Variants in WDPCP observed in about 807,000 individuals in gnomAD.
WDPCP encodes WD repeat-containing and planar cell polarity effector protein fritz homolog.
WDPCP carries 71 observed loss-of-function variants against 93.1 expected under a neutral mutation model. The observed-to-expected ratio is 0.76, with a 90% CI of 0.63 to 0.93. The LOEUF (loss-of-function observed/expected upper bound fraction) is 0.93. Among genes scored for constraint, WDPCP ranks in the 40% least tolerant of loss-of-function variants. The pLI is 0.00. For missense variants in WDPCP, 844 were observed against 887.4 expected (o/e 0.95, Z 0.62); for synonymous variants, 315 against 315.0 (o/e 1.00, Z 0.00).
In WDPCP at chr2:63,649,440, T is replaced by C. The variant is rs78977621; in HGVS notation, n.488+1219A>G. Among the ~76,000 whole-genome samples the C allele has an allele frequency of 8.2e-3, 1,245 of 152,346 alleles. 21 individuals are homozygous for C. Among genetic ancestry groups the C allele is most frequent in the African/African-American group, 0.029 (1,213 of 41,578 alleles). ...GTATTTGCCACATTTTGTTTATCCA[T>C]TCATTAGTTGATAGTCACTTAGATT... On this transcript the variant is annotated intron_variant and non_coding_transcript_variant, in intron 3 of 4. Transcript: ENST00000467687.
At chr2:63,792,566 C>G (rs891970832) in intron 2 of WDPCP, among the ~76,000 whole-genome samples, 6 of 152,102 alleles carry the variant, frequency 3.9e-5, no homozygotes, top group African/African-American at 1.4e-4. Context: ...AGAGACAATC[C>G]TGGAAGAGTA....
At chr2:63,170,076 T>C (rs1673274375) in intron 15 of WDPCP, among the ~76,000 whole-genome samples, 2 of 150,736 alleles carry the variant, frequency 1.3e-5, no homozygotes, top group Non-Finnish European at 3.0e-5. Flanking sequence ...TTTTTTTCAG[T>C]AGAGATGAGG....
At position 63,588,250 on chromosome 2, in the gene WDPCP, C is replaced by T; in HGVS notation, c.22G>A (p.Asp8Asn). ...CTCCCGGCCGCTTTGGAGTAGGCGT[C>T]CCAGCAAAACTCTCGCCTCATCACC... MRREFCW[D>N]AYSKAAGSRA... Residue 8 changes from aspartate to asparagine, a missense_variant, in exon 1 of 18, where the codon GAC (aspartate) becomes AAC (asparagine). By Grantham distance (23) the Asp-to-Asn change is conservative. Coordinates refer to ENST00000272321, the MANE Select transcript of WDPCP (RefSeq NM_015910.7). 2 of 1,577,342 alleles carry T rather than the reference C, an allele frequency of 1.3e-6. No individual in the cohort carries two copies. Among genetic ancestry groups the T allele is most frequent in the South Asian group, 2.3e-5 (2 of 86,534 alleles).
chr2:63,699,961 A>T (rs975751123), intron 2 of WDPCP, among the ~76,000 whole-genome samples: 2 of 152,044 alleles, frequency 1.3e-5, no homozygotes, highest in East Asian at 3.9e-4. Context: ...TTTTATGAAG[A>T]TTGCTCATTG....
intron 14 of WDPCP, among the ~76,000 whole-genome samples, chr2:63,194,916 T>C (rs1218302885): frequency 6.6e-6 from 1 of 152,188 alleles, no homozygotes; most frequent in African/African-American, 2.4e-5. Flanking sequence ...AATCTGTTTA[T>C]TGTATTTCAG....
chr2:63,296,189 A>G (rs1027601188), intron 13 of WDPCP, among the ~76,000 whole-genome samples: 2 of 147,778 alleles, frequency 1.4e-5, no homozygotes, highest in Non-Finnish European at 3.0e-5. Flanking sequence ...AACAAAAACC[A>G]TATGATCATC....
At chr2:63,264,107 G>C (rs535451201) in intron 13 of WDPCP, among the ~76,000 whole-genome samples, 10 of 152,176 alleles carry the variant, frequency 6.6e-5, no homozygotes, top group African/African-American at 2.2e-4. Flanking sequence ...GTAAAACATG[G>C]ATGTACCCCC....
chr2:63,475,837 A>G (rs1445028015), intron 6 of WDPCP, among the ~76,000 whole-genome samples: 1 of 151,990 alleles, frequency 6.6e-6, no homozygotes, highest in Non-Finnish European at 1.5e-5. Flanking sequence ...CCTTGGCTCT[A>G]GCTCTTCTCC....
intron 12 of WDPCP, among the ~76,000 whole-genome samples, chr2:63,347,785 G>A (rs899207225): frequency 6.7e-6 from 1 of 148,960 alleles, no homozygotes. Flanking sequence ...CCCAGCTATG[G>A]CCCTGACTTT....
intron 1 of WDPCP, among the ~76,000 whole-genome samples, chr2:63,507,453 C>G (rs934164871): frequency 2.6e-5 from 4 of 151,774 alleles, no homozygotes; most frequent in Admixed American, 2.0e-4. Flanking sequence ...ACCAAAGTCT[C>G]AAAAATTAAC....
intron 12 of WDPCP, among the ~76,000 whole-genome samples, chr2:63,370,475 G>A (rs1691285959): frequency 6.6e-6 from 1 of 151,950 alleles, no homozygotes; most frequent in African/African-American, 2.4e-5. Flanking sequence ...TCATCATAAT[G>A]GATCAAACTT....
chr2:63,396,531 A>G (rs1413057626), intron 10 of WDPCP, among the ~76,000 whole-genome samples: 1 of 152,188 alleles, frequency 6.6e-6, no homozygotes, highest in African/African-American at 2.4e-5. Context: ...GAATACTATC[A>G]TCACCAACAT....
intron 10 of WDPCP, among the ~76,000 whole-genome samples, chr2:63,392,906 G>T (rs1296038686): frequency 1.3e-5 from 2 of 152,214 alleles, no homozygotes; most frequent in African/African-American, 4.8e-5. Flanking sequence ...TGTGGAGGAT[G>T]TGGAGAAATA....
In WDPCP at chr2:63,208,820, T is replaced by A. The variant is rs757897417; in HGVS notation, c.1916-33988A>T. Among the ~76,000 whole-genome samples the A allele has an allele frequency of 5.3e-5, 8 of 152,326 alleles. No homozygotes were observed. The South Asian group carries it at 1.7e-3, about 32-fold the overall frequency. ...AGACTCTGCTTTCATGGTCTGTATT[T>A]ATACTGAAAATCAAGATCAAGTCAG... On this transcript the variant is annotated intron_variant, in intron 14 of 17. Transcript: ENST00000272321.
Position 63,539,618 on chromosome 2 carries a change from G to A in WDPCP, c.76-46678C>T, listed in dbSNP as rs200635458. On this transcript the variant is annotated intron_variant, in intron 1 of 17. Coordinates refer to ENST00000272321, the MANE Select transcript of WDPCP (RefSeq NM_015910.7). ...CGAGAAGCATTTGAACTTGGGAGGAGGAGGTTGCAGTGAGCTCAGATAATA... is the reference window on the plus strand; with the variant it reads ...CGAGAAGCATTTGAACTTGGGAGGAAGAGGTTGCAGTGAGCTCAGATAATA... Among the ~76,000 whole-genome samples, 13 of 152,206 alleles carry A rather than the reference G, an allele frequency of 8.5e-5. No individual in the cohort carries two copies. In the East Asian group the frequency reaches 2.5e-3, roughly 29 times the overall value.
intron 12 of WDPCP, among the ~76,000 whole-genome samples, chr2:63,349,043 A>G (rs940260585): frequency 6.6e-6 from 1 of 152,182 alleles, no homozygotes; most frequent in African/African-American, 2.4e-5. Context: ...TCTCCTGTTG[A>G]AGTAGGAGAG....
rs1553362983 is a variant in WDPCP, at chr2:63,362,277, T to TTGGGTGTGTGTGTGTGTGTG, written c.1748+16108_1748+16109insCACACACACACACACACCCA. Among the ~76,000 whole-genome samples the TTGGGTGTGTGTGTGTGTGTG allele has an allele frequency of 8.1e-3, 759 of 94,104 alleles. 58 individuals are homozygous for TTGGGTGTGTGTGTGTGTGTG. The highest frequency in any genetic ancestry group is 0.032 in the African/African-American group (696 of 21,662). The allele number at this position is 94,104 out of a possible 152,430, so 61.7% of individuals were successfully genotyped here. ...GAATCCCTTTTTTTTTTTTTTTTGG[T>TTGGGTGTGTGTGTGTGTGTG]TGTGTGTGTGTGTGTGTGTGTGTGT... On this transcript the variant is annotated intron_variant, in intron 12 of 17. Coordinates refer to ENST00000272321, the MANE Select transcript of WDPCP (RefSeq NM_015910.7).
chr2:63,351,667 A>G (rs1433232476), intron 12 of WDPCP, among the ~76,000 whole-genome samples: 1 of 152,182 alleles, frequency 6.6e-6, no homozygotes, highest in Admixed American at 6.5e-5. Flanking sequence ...TATCAAATTC[A>G]CCATTGATAG....
chr2:63,368,747 G>A (rs1019014349), intron 12 of WDPCP: 13 of 152,032 alleles, frequency 8.6e-5, no homozygotes, highest in African/African-American at 3.1e-4. Context: ...TGTAATAAAA[G>A]TGTAAAGGAT....
Sources: gnomAD v4.1 joint callset for allele counts (sites outside exome capture counted in the v4.1 genomes callset) on GRCh38, gnomAD v4.1.1 for gene constraint, MANE v1.5 for transcripts, NCBI Gene and HGNC (gene_info 2026-07-23, HGNC 2026-07-21) for gene names.